TRERF1: variants seen among roughly 807,000 people sequenced by gnomAD.
The protein encoded by TRERF1 is transcriptional-regulating factor 1.
A neutral mutation model predicts 122.9 loss-of-function variants in TRERF1; 27 were observed. The observed-to-expected ratio is 0.22, with a 90% CI of 0.16 to 0.30. The LOEUF is 0.30. TRERF1 is among the 10% of genes least tolerant of loss of function. The pLI is 1.00. For synonymous variants in TRERF1, 636 were observed against 641.7 expected (o/e 0.99, Z 0.13); for missense variants, 1,248 against 1,560.3 (o/e 0.80, Z 3.37).
intron 3 of TRERF1, among the ~76,000 whole-genome samples, chr6:42,319,116 T>C (rs1762973772): frequency 6.6e-6 from 1 of 151,624 alleles, no homozygotes; most frequent in African/African-American, 2.4e-5. Context: ...CCACCTTTTC[T>C]TCATTGTTGC....
intron 3 of TRERF1, among the ~76,000 whole-genome samples, chr6:42,332,514 T>C (rs1001818900): frequency 1.3e-5 from 2 of 152,202 alleles, no homozygotes; most frequent in African/African-American, 4.8e-5. Flanking sequence ...CAGCCTCCCA[T>C]GGCTGGGGCT....
intron 2 of TRERF1, among the ~76,000 whole-genome samples, chr6:42,405,802 A>C (rs575396389): frequency 6.6e-6 from 1 of 150,760 alleles, no homozygotes; most frequent in African/African-American, 2.4e-5. Flanking sequence ...CTCAAAAAAA[A>C]AAAAATTAAA....
chr6:42,258,167 T>C, exon 10 of TRERF1: 1 of 1,614,196 alleles, frequency 6.2e-7, no homozygotes, highest in Non-Finnish European at 8.5e-7. Flanking sequence ...CTCCAGGCCC[T>C]GGGGTGACCG....
intron 3 of TRERF1, among the ~76,000 whole-genome samples, chr6:42,348,754 T>C (rs16895625): frequency 0.052 from 7,989 of 152,236 alleles, 505 homozygotes; most frequent in East Asian, 0.18. Flanking sequence ...GGTCTAATGG[T>C]ACACTGGTCA....
chr6:42,276,789 G>A lies in TRERF1; in HGVS notation c.-258-6941C>T, dbSNP rs536951302. On this transcript the variant is annotated intron_variant, in intron 4 of 17. Transcript: ENST00000372922. This position sits in a 1 kb window ranked among gnomAD's most constrained non-coding sequence, Gnocchi z 4.3. ...TTCCTGCTGACTCTGGGCTGTGGGA[G>A]GATTTTCAAGGCTCCCTTTGGGCAG... is the stretch of plus-strand genomic sequence containing the variant. Among the ~76,000 whole-genome samples the A allele has an allele frequency of 6.6e-6, 1 of 152,274 alleles. No homozygotes were observed. The highest frequency in any genetic ancestry group is 2.4e-5 in the African/African-American group (1 of 41,544).
At chr6:42,381,860 G>A (rs1425328047) in intron 2 of TRERF1, among the ~76,000 whole-genome samples, 1 of 148,440 alleles carries the variant, frequency 6.7e-6, no homozygotes, top group East Asian at 2.0e-4. Context: ...AATCTAGTGT[G>A]CTGGCTGTTC....
chr6:42,256,296 G>A (rs1159911126), intron 12 of TRERF1, among the ~76,000 whole-genome samples: 2 of 152,140 alleles, frequency 1.3e-5, no homozygotes, highest in African/African-American at 2.4e-5. Context: ...ATTTTGGTTA[G>A]AGGAGAAAAG....
intron 8 of TRERF1, among the ~76,000 whole-genome samples, chr6:42,261,600 G>A (rs1343386056): frequency 6.6e-6 from 1 of 152,154 alleles, no homozygotes; most frequent in Admixed American, 6.5e-5. Context: ...AACTGAGGCT[G>A]TGAGTGGGGG....
At chr6:42,311,198 C>T (rs1185692397) in intron 3 of TRERF1, among the ~76,000 whole-genome samples, 1 of 152,154 alleles carries the variant, frequency 6.6e-6, no homozygotes. Context: ...TGTGCAATGT[C>T]ATGGCAGGTA....
chr6:42,342,397 G>A (rs1369356997), intron 3 of TRERF1, among the ~76,000 whole-genome samples: 1 of 152,134 alleles, frequency 6.6e-6, no homozygotes, highest in Admixed American at 6.5e-5. Flanking sequence ...GGCAAATAGT[G>A]GGTATCCTGC....
intron 16 of TRERF1, among the ~76,000 whole-genome samples, chr6:42,234,517 T>C (rs1007053377): frequency 6.6e-6 from 1 of 151,986 alleles, no homozygotes. Context: ...TTTGTATTTT[T>C]AGTATAGTAG....
At chr6:42,250,465 G>T (rs139443764) in intron 13 of TRERF1, among the ~76,000 whole-genome samples, 1 of 152,080 alleles carries the variant, frequency 6.6e-6, no homozygotes, top group East Asian at 1.9e-4. Flanking sequence ...CACGTTCCTC[G>T]TTCTTAGACA....
chr6:42,320,435 C>T (rs550924898), intron 3 of TRERF1, among the ~76,000 whole-genome samples: 12 of 151,916 alleles, frequency 7.9e-5, no homozygotes, highest in African/African-American at 1.5e-4. Context: ...CTATTAAAGA[C>T]GAATACGTTA....
chr6:42,269,243 G>T lies in TRERF1; in HGVS notation c.348C>A (p.Pro116=). ...AGTAGGTGTATTGGTAGCCATCAGT[G>T]GGCTCAGCCTGGGCTGGTGCCCCCC... Residue 116 remains proline, a synonymous_variant, in exon 5 of 18, where the codon CCC becomes CCA. Coordinates refer to ENST00000372922, the Ensembl canonical transcript of TRERF1. This position sits in a 1 kb window ranked among gnomAD's most constrained non-coding sequence, Gnocchi z 4.9. 1 of 1,614,240 alleles carries T rather than the reference G, an allele frequency of 6.2e-7. No individual in the cohort carries two copies. Among genetic ancestry groups the T allele is most frequent in the Non-Finnish European group, 8.5e-7 (1 of 1,180,034 alleles).
At chr6:42,413,031 A>C (rs920542182) in intron 2 of TRERF1, among the ~76,000 whole-genome samples, 63 of 152,344 alleles carry the variant, frequency 4.1e-4, no homozygotes, top group African/African-American at 1.5e-3. Flanking sequence ...TAGCCAAAGC[A>C]GTCAGGTCAA....
chr6:42,390,684 C>A (rs1777585648), intron 2 of TRERF1, among the ~76,000 whole-genome samples: 1 of 152,176 alleles, frequency 6.6e-6, no homozygotes, highest in Non-Finnish European at 1.5e-5. Context: ...CCGCCCGGCC[C>A]TCAGGAAAGT....
At chr6:42,273,916 A>G (rs1780706390) in intron 4 of TRERF1, among the ~76,000 whole-genome samples, 1 of 152,234 alleles carries the variant, frequency 6.6e-6, no homozygotes, top group African/African-American at 2.4e-5. Context: ...GAAGCTAGAT[A>G]ATTGAACTTC....
In TRERF1 at chr6:42,344,840, C is replaced by T. The variant is rs191000310; in HGVS notation, c.-371+18157G>A. On this transcript the variant is annotated intron_variant, in intron 3 of 17. Transcript: ENST00000372922. ...TATTTTTTTCCCACAGCACTTATTACCTTCTAACCTTCTACATATTGTACT... is the reference window on the plus strand; with the variant it reads ...TATTTTTTTCCCACAGCACTTATTATCTTCTAACCTTCTACATATTGTACT... Among the ~76,000 whole-genome samples the T allele has an allele frequency of 5.3e-5, 8 of 152,292 alleles. No individual in the cohort carries two copies. In the East Asian group the frequency reaches 1.5e-3, roughly 29 times the overall value.
chr6:42,263,580 A>G lies in TRERF1; in HGVS notation c.1636-12T>C. The G allele has an allele frequency of 1.3e-6, 2 of 1,497,648 alleles. No homozygotes were observed. Among genetic ancestry groups the G allele is most frequent in the African/African-American group, 1.4e-5 (1 of 71,318 alleles). The allele number at this position is 1,497,648 out of a possible 1,614,324, so 92.8% of individuals were successfully genotyped here. A position where few individuals can be genotyped will look rare whatever the true frequency, so the allele number is the denominator to read the frequency against. On this transcript the variant is annotated splice_polypyrimidine_tract_variant and intron_variant, in intron 7 of 17. Coordinates refer to ENST00000372922, the Ensembl canonical transcript of TRERF1. The surrounding 1 kb of genome is among the most constrained non-coding windows in gnomAD (Gnocchi z 5.6). Reference sequence around the variant, plus strand: ...TTCTCTCCTTCCTCCTACACAGACAATAAAGGCTTTGATCCTGGGCTGAGA... The same window carrying G: ...TTCTCTCCTTCCTCCTACACAGACAGTAAAGGCTTTGATCCTGGGCTGAGA...
Sources: allele counts gnomAD v4.1 joint callset (sites outside exome capture counted in the v4.1 genomes callset), GRCh38; gene constraint gnomAD v4.1.1; non-coding constraint Gnocchi (gnomAD v3.1); transcripts MANE v1.5; gene names NCBI Gene and HGNC (gene_info 2026-07-23, HGNC 2026-07-21).